UCHL1: variants seen among roughly 807,000 people sequenced by gnomAD.
UCHL1 encodes the protein ubiquitin C-terminal hydrolase L1, also known as ubiquitin carboxyl-terminal hydrolase isozyme L1.
A neutral mutation model predicts 33.3 loss-of-function variants in UCHL1; 5 were observed. That is an observed-to-expected ratio of 0.15 (90% CI 0.08 to 0.32). The LOEUF is 0.32. Among genes scored for constraint, UCHL1 ranks in the 10% least tolerant of loss-of-function variants. UCHL1 has a pLI of 1.00. For synonymous variants in UCHL1, 132 were observed against 108.8 expected (o/e 1.21, Z -1.33); for missense variants, 236 against 280.0 (o/e 0.84, Z 1.12).
chr4:41,260,642 C>G lies in UCHL1; in HGVS notation c.175-5C>G. ...GAGATGTAAAAACGCTTTTTACATT[C>G]GCAGCATGAGAACTTCAGGAAAAAG... On this transcript the variant is annotated splice_region_variant and splice_polypyrimidine_tract_variant and intron_variant, in intron 3 of 8. Transcript: ENST00000284440. 6.2e-7 allele frequency: 1 copy of G among 1,614,126 alleles called. No individual in the cohort carries two copies. Among genetic ancestry groups the G allele is most frequent in the Non-Finnish European group, 8.5e-7 (1 of 1,180,018 alleles).
In UCHL1 at chr4:41,257,600, T is replaced by C; in HGVS notation, c.46-9T>C. On this transcript the variant is annotated splice_polypyrimidine_tract_variant and intron_variant, in intron 2 of 8. Coordinates refer to ENST00000284440, the MANE Select transcript of UCHL1 (RefSeq NM_004181.5). ...CCGTGCGCCTGGCCGCCTTGTCTCCTCTCCGCAGGTGCTGTCCCGGCTGGG... is the reference window on the plus strand; with the variant it reads ...CCGTGCGCCTGGCCGCCTTGTCTCCCCTCCGCAGGTGCTGTCCCGGCTGGG... The C allele has an allele frequency of 1.3e-6, 2 of 1,525,240 alleles. No homozygotes were observed. Among genetic ancestry groups the C allele is most frequent in the Non-Finnish European group, 1.7e-6 (2 of 1,143,500 alleles). 94.5% of individuals were successfully genotyped at this position (1,525,240 alleles called of 1,614,324 possible). A position where few individuals can be genotyped will look rare whatever the true frequency, so the allele number is the denominator to read the frequency against.
Position 41,265,582 on chromosome 4 carries a change from A to T in UCHL1, c.585+1421A>T, listed in dbSNP as rs184300103. Among the ~76,000 whole-genome samples, 729 of 143,694 alleles carry T rather than the reference A, an allele frequency of 5.1e-3. 4 individuals are homozygous for T. The highest frequency in any genetic ancestry group is 0.017 in the African/African-American group (679 of 40,380). The allele number at this position is 143,694 out of a possible 152,430, so 94.3% of individuals were successfully genotyped here. A position where few individuals can be genotyped will look rare whatever the true frequency, so the allele number is the denominator to read the frequency against. ...CAACAGAGCAAGACTCTGTCTCAGA[A>T]GAAAAAAAAGAAAAGTTAGTCCGCA... On this transcript the variant is annotated intron_variant, in intron 8 of 8. Coordinates refer to ENST00000284440, the MANE Select transcript of UCHL1 (RefSeq NM_004181.5).
At chr4:41,262,579 G>A (rs938449351) in intron 6 of UCHL1, among the ~76,000 whole-genome samples, 4 of 151,822 alleles carry the variant, frequency 2.6e-5, no homozygotes, top group African/African-American at 9.7e-5. Flanking sequence ...ATAATCTGAT[G>A]AGAACCTCTG....
rs1375525096 is a variant in UCHL1 at position 41,266,150 on chromosome 4, G to GGGCTCAAGTGATCTTCCT, written c.586-1835_586-1818dup. Among the ~76,000 whole-genome samples the GGGCTCAAGTGATCTTCCT allele has an allele frequency of 2.0e-5, 3 of 151,912 alleles. No homozygotes were observed. In the East Asian group the frequency reaches 5.8e-4, roughly 29 times the overall value. ...TTGCCCAGGCTGGTCTTTAACTCTTGGGCTCAAGTGATCTTCCTGCCTCAG... is the reference window on the plus strand; with the variant it reads ...TTGCCCAGGCTGGTCTTTAACTCTTGGGCTCAAGTGATCTTCCTGGCTCAAGTGATCTTCCTGCCTCAG... On this transcript the variant is annotated intron_variant, in intron 8 of 8. Transcript: ENST00000284440.
chr4:41,261,619 G>A, intron 4 of UCHL1, 96 bp from the exon 5 acceptor site: 4 of 1,332,588 alleles, frequency 3.0e-6, no homozygotes, highest in South Asian at 1.2e-5. Flanking sequence ...AAAGATTCAG[G>A]TTGCTCAGCA....
Position 41,257,678 on chromosome 4 carries a change from C to G in UCHL1, c.115C>G (p.Leu39Val), listed in dbSNP as rs752315512. The part of the protein sequence containing the change: ...VDVLGLEEES[L>V]GSVPAPACAL... ...CGTGCTGGGGCTGGAAGAGGAGTCTCTGGGCTCGGTGCCAGCGCCTGCCTG... is the reference window on the plus strand; with the variant it reads ...CGTGCTGGGGCTGGAAGAGGAGTCTGTGGGCTCGGTGCCAGCGCCTGCCTG... Residue 39 changes from leucine (L) to valine (V), a missense_variant, in exon 3 of 9, where the codon CTG becomes GTG. By Grantham distance (32) the Leu-to-Val change is conservative. Coordinates refer to ENST00000284440, the MANE Select transcript of UCHL1 (RefSeq NM_004181.5). 6.3e-7 allele frequency: 1 copy of G among 1,575,252 alleles called. No individual in the cohort carries two copies. Among genetic ancestry groups the G allele is most frequent in the Non-Finnish European group, 8.6e-7 (1 of 1,163,882 alleles).
intron 3 of UCHL1, among the ~76,000 whole-genome samples, chr4:41,259,267 G>A (rs1363110365): frequency 6.6e-6 from 1 of 152,208 alleles, no homozygotes. Flanking sequence ...TAATTTGGAA[G>A]GCATTTAATT....
chr4:41,258,463 A>T (rs896326954), intron 3 of UCHL1, among the ~76,000 whole-genome samples: 2 of 152,036 alleles, frequency 1.3e-5, no homozygotes, highest in African/African-American at 2.4e-5. Flanking sequence ...TTCCTCCTAC[A>T]AGTGTGCATG....
At position 41,256,990 on chromosome 4, in the gene UCHL1, C is replaced by T. The variant is rs991106482; in HGVS notation, c.14C>T (p.Pro5Leu). 2.5e-6 allele frequency: 4 copies of T among 1,614,168 alleles called. No individual in the cohort carries two copies. The highest frequency in any genetic ancestry group is 3.4e-6 in the Non-Finnish European group (4 of 1,180,016). The change falls in exon 1 of 9, where the codon CCG becomes CTG. Residue 5 changes from proline to leucine, a missense_variant. Pro to Leu is a moderately conservative substitution (Grantham distance 98). Coordinates refer to ENST00000284440, the MANE Select transcript of UCHL1 (RefSeq NM_004181.5). ...CGCTCCGCGAAGATGCAGCTCAAGC[C>T]GATGGAGATCAACCCCGAGGTGAGC... MQLK[P>L]MEINPEMLNK... is the part of the protein sequence containing the mutation.
intron 8 of UCHL1, among the ~76,000 whole-genome samples, chr4:41,264,733 G>A (rs1781125869): frequency 6.6e-6 from 1 of 152,128 alleles, no homozygotes; most frequent in Non-Finnish European, 1.5e-5. Context: ...GTTGGTAGAC[G>A]ACCCTAGGCC....
intron 8 of UCHL1, 37 bp from the exon 9 acceptor site, chr4:41,267,949 CT>C (rs1205801808): frequency 6.3e-7 from 1 of 1,583,694 alleles, no homozygotes; most frequent in Non-Finnish European, 8.6e-7. Flanking sequence ...ATTTTGAGCT[CT>C]TGCTGTTTGG....
At chr4:41,257,091 T>A in intron 1 of UCHL1, 24 bp from the exon 2 acceptor site, 1 of 1,613,948 alleles carries the variant, frequency 6.2e-7, no homozygotes, top group Admixed American at 1.7e-5. Flanking sequence ...CGGTTTTGCC[T>A]TTTTCTTTGC....
At chr4:41,263,170 T>C in intron 6 of UCHL1, 55 bp from the exon 7 acceptor site, 2 of 1,393,596 alleles carry the variant, frequency 1.4e-6, no homozygotes, top group Middle Eastern at 2.0e-4. Context: ...AATTGCAAGA[T>C]AATTTTTAAA....
chr4:41,256,963 G>T lies in UCHL1; in HGVS notation c.-14G>T, dbSNP rs1254165506. ...CGTCTTCCCTAGGCTATTTCTGCCG[G>T]GCGCTCCGCGAAGATGCAGCTCAAG... On this transcript the variant is annotated 5_prime_UTR_variant, in exon 1 of 9. Transcript: ENST00000284440. The T allele has an allele frequency of 1.2e-6, 2 of 1,614,166 alleles. No individual in the cohort carries two copies. Among genetic ancestry groups the T allele is most frequent in the East Asian group, 2.2e-5 (1 of 44,880 alleles).
chr4:41,261,109 G>A (rs951965317), intron 4 of UCHL1, among the ~76,000 whole-genome samples: 5 of 152,146 alleles, frequency 3.3e-5, no homozygotes, highest in Admixed American at 3.3e-4. Flanking sequence ...GTGTGGATAA[G>A]CCTATGTCAG....
At chr4:41,257,459 G>A in intron 2 of UCHL1, 150 bp from the exon 3 acceptor site, 1 of 1,130,024 alleles carries the variant, frequency 8.8e-7, no homozygotes, top group East Asian at 3.2e-5. Flanking sequence ...TCATTGCGCC[G>A]GCCCGGGTGG....
rs763182177 is a variant in UCHL1 at position 41,257,619 on chromosome 4, G to T, written c.56G>T (p.Arg19Leu). 4.5e-6 allele frequency: 7 copies of T among 1,553,124 alleles called. No homozygotes were observed. The highest frequency in any genetic ancestry group is 4.3e-6 in the Non-Finnish European group (5 of 1,155,296). ...NPEMLNKVLS[R>L]LGVAGQWRFV... ...GTCTCCTCTCCGCAGGTGCTGTCCCGGCTGGGGGTCGCCGGCCAGTGGCGC... is the reference window on the plus strand; with the variant it reads ...GTCTCCTCTCCGCAGGTGCTGTCCCTGCTGGGGGTCGCCGGCCAGTGGCGC... The change falls in exon 3 of 9, where the codon CGG becomes CTG. Residue 19 changes from arginine to leucine, a missense_variant. Physicochemically the swap from Arg to Leu is moderately radical, Grantham distance 102. Coordinates refer to ENST00000284440, the MANE Select transcript of UCHL1 (RefSeq NM_004181.5).
At chr4:41,266,229 T>G (rs200913073) in intron 8 of UCHL1, among the ~76,000 whole-genome samples, 28,772 of 149,054 alleles carry the variant, frequency 0.19, 3,400 homozygotes, top group East Asian at 0.52. Context: ...GCTAAAACTT[T>G]TTTTTTTTTT....
Position 41,256,991 on chromosome 4 carries a change from G to T in UCHL1, c.15G>T (p.Pro5=). 6.2e-7 allele frequency: 1 copy of T among 1,614,200 alleles called. No homozygotes were observed. The highest frequency in any genetic ancestry group is 8.5e-7 in the Non-Finnish European group (1 of 1,180,016). ...GCTCCGCGAAGATGCAGCTCAAGCC[G>T]ATGGAGATCAACCCCGAGGTGAGCG... The part of the protein sequence containing the change: MQLK[P]MEINPEMLNK... Residue 5 remains proline (P), a synonymous_variant, in exon 1 of 9, where the codon CCG becomes CCT. Transcript: ENST00000284440.
Sources: allele counts gnomAD v4.1 joint callset (sites outside exome capture counted in the v4.1 genomes callset), GRCh38; gene constraint gnomAD v4.1.1; transcripts MANE v1.5; gene names NCBI Gene and HGNC (gene_info 2026-07-23, HGNC 2026-07-21).